The following NOX4 variants were observed in gnomAD, a reference collection of about 807,000 sequenced individuals.
NOX4 encodes the protein kidney oxidase-1.
In NOX4, 69 loss-of-function variants were observed where a neutral mutation model predicts 87.6. That is an observed-to-expected ratio of 0.79 (90% CI 0.65 to 0.96). The LOEUF is 0.96. Ranked by LOEUF, NOX4 falls within the 40% of genes least tolerant of loss-of-function variation. The pLI, the probability that NOX4 is intolerant of heterozygous loss-of-function variation, is 0.00. For synonymous variants in NOX4, 275 were observed against 238.2 expected (o/e 1.15, Z -1.42); for missense variants, 680 against 681.5 (o/e 1.00, Z 0.02).
intron 8 of NOX4, among the ~76,000 whole-genome samples, chr11:89,412,020 T>C (rs1942508212): frequency 6.6e-6 from 1 of 152,042 alleles, no homozygotes; most frequent in South Asian, 2.1e-4. Flanking sequence ...GGAGAAGCTA[T>C]ACTTAATATC....
the NOX4 span, among the ~76,000 whole-genome samples, chr11:89,572,731 T>G: frequency 1.3e-5 from 2 of 152,156 alleles, no homozygotes; most frequent in Non-Finnish European, 2.9e-5. Context: ...ATCTTCTTTC[T>G]TATCTTTTTT....
chr11:89,441,742 A>C (rs1196523733), intron 5 of NOX4, among the ~76,000 whole-genome samples: 1 of 152,028 alleles, frequency 6.6e-6, no homozygotes, highest in Non-Finnish European at 1.5e-5. Context: ...ATTGCTAGAG[A>C]AAGAAAATGA....
At chr11:89,461,710 A>C (rs1945475468) in intron 2 of NOX4, among the ~76,000 whole-genome samples, 1 of 151,640 alleles carries the variant, frequency 6.6e-6, no homozygotes, top group Non-Finnish European at 1.5e-5. Context: ...ATTATGCAGC[A>C]GAAGAAAGTG....
At chr11:89,455,332 G>A (rs1245127676) in intron 2 of NOX4, among the ~76,000 whole-genome samples, 1 of 151,904 alleles carries the variant, frequency 6.6e-6, no homozygotes, top group Non-Finnish European at 1.5e-5. Context: ...AGCCCCAAAG[G>A]TACCTCATTT....
At chr11:89,359,478 C>A (rs1389898132) in intron 12 of NOX4, among the ~76,000 whole-genome samples, 2 of 147,046 alleles carry the variant, frequency 1.4e-5, no homozygotes, top group African/African-American at 5.0e-5. Flanking sequence ...AGTATGCAAA[C>A]CTATTCCTGG....
chr11:89,554,558 T>C, the NOX4 span, among the ~76,000 whole-genome samples: 1 of 152,110 alleles, frequency 6.6e-6, no homozygotes, highest in Non-Finnish European at 1.5e-5. Context: ...TAGATATCTG[T>C]ATCTAAATAG....
chr11:89,363,654 A>G (rs574755648), intron 12 of NOX4, among the ~76,000 whole-genome samples: 18 of 152,260 alleles, frequency 1.2e-4, no homozygotes, highest in African/African-American at 3.8e-4. Context: ...AGAAGTATGC[A>G]TATTAATCTT....
intron 8 of NOX4, among the ~76,000 whole-genome samples, chr11:89,419,300 A>G (rs2135254953): frequency 6.6e-6 from 1 of 152,212 alleles, no homozygotes; most frequent in Non-Finnish European, 1.5e-5. Context: ...ATTGTACTTT[A>G]TTTGTATAAC....
At chr11:89,449,321 G>A (rs1437558300) in intron 4 of NOX4, 119 bp downstream of exon 4, 1 of 650,068 alleles carries the variant, frequency 1.5e-6, no homozygotes, top group Non-Finnish European at 2.6e-6. Context: ...GTCATCAGTG[G>A]TTGTTCTGGA....
chr11:89,362,412 A>G (rs774359457), intron 12 of NOX4, among the ~76,000 whole-genome samples: 64 of 152,042 alleles, frequency 4.2e-4, no homozygotes, highest in Non-Finnish European at 7.8e-4. Flanking sequence ...GTCACTGTCA[A>G]TCCATTTTGA....
intron 8 of NOX4, among the ~76,000 whole-genome samples, chr11:89,403,633 T>C (rs1480719796): frequency 1.3e-5 from 2 of 151,986 alleles, no homozygotes; most frequent in East Asian, 1.9e-4. Context: ...TCCCAGCTAC[T>C]TGGGAGGCTG....
At chr11:89,509,159 C>A in the NOX4 span, among the ~76,000 whole-genome samples, 1 of 151,942 alleles carries the variant, frequency 6.6e-6, no homozygotes, top group East Asian at 1.9e-4. Flanking sequence ...TCATTCTGAG[C>A]AAACCTAATT....
the NOX4 span, chr11:89,545,334 A>G: frequency 6.6e-6 from 1 of 152,180 alleles, no homozygotes; most frequent in African/African-American, 2.4e-5. Flanking sequence ...TACCTGTTAA[A>G]ACAGTAAAAA....
At chr11:89,493,722 TTATTATTA>T (rs1368489107), upstream of NOX4, among the ~76,000 whole-genome samples, 5 of 5,626 alleles carry the variant, frequency 8.9e-4, no homozygotes, top group Admixed American at 2.7e-3. Flanking sequence ...CCAGATTGTT[TTATTATTA>T]TTATTATTAT....
chr11:89,564,123 A>G, the NOX4 span, among the ~76,000 whole-genome samples: 1 of 152,160 alleles, frequency 6.6e-6, no homozygotes, highest in Non-Finnish European at 1.5e-5. Context: ...AGAGAATATG[A>G]TAGAATGCAC....
intron 2 of NOX4, among the ~76,000 whole-genome samples, chr11:89,474,014 C>A (rs1040679318): frequency 6.6e-6 from 1 of 152,138 alleles, no homozygotes; most frequent in African/African-American, 2.4e-5. Flanking sequence ...ATTCTTCTGA[C>A]AAACTCTTCA....
chr11:89,456,370 A>G (rs182629793), intron 2 of NOX4, among the ~76,000 whole-genome samples: 1 of 152,310 alleles, frequency 6.6e-6, no homozygotes, highest in African/African-American at 2.4e-5. Flanking sequence ...GATTTTGAAA[A>G]GACTAAAGAT....
intron 11 of NOX4, among the ~76,000 whole-genome samples, chr11:89,388,836 C>T (rs2135126484): frequency 6.6e-6 from 1 of 152,236 alleles, no homozygotes; most frequent in East Asian, 1.9e-4. Context: ...CTATCTGAAA[C>T]AACCATAACT....
chr11:89,391,603 A>T (rs946738456), intron 11 of NOX4, among the ~76,000 whole-genome samples: 4 of 151,866 alleles, frequency 2.6e-5, no homozygotes, highest in Non-Finnish European at 4.4e-5. Flanking sequence ...ACAATTTTTT[A>T]AAAAGTTTAG....
Sources: gnomAD v4.1 joint callset for allele counts (sites outside exome capture counted in the v4.1 genomes callset) on GRCh38, gnomAD v4.1.1 for gene constraint, MANE v1.5 for transcripts, NCBI Gene and HGNC (gene_info 2026-07-23, HGNC 2026-07-21) for gene names.